Variants in GLIS3 observed in about 807,000 individuals in gnomAD.
The protein encoded by GLIS3 is zinc finger protein GLIS3.
In GLIS3, 53 loss-of-function variants were observed where a neutral mutation model predicts 78.6. The ratio of observed to expected loss-of-function variants is 0.67; its 90% confidence interval spans 0.54 to 0.85. GLIS3 has a LOEUF of 0.85. GLIS3 is among the 40% of genes least tolerant of loss of function. The probability of loss-of-function intolerance (pLI) is 0.00; values close to 1 mark genes in which losing one functional copy is unlikely to be tolerated. For synonymous variants in GLIS3, 684 were observed against 509.9 expected, an observed-to-expected ratio of 1.34 and a Z score of -4.60; for missense variants, 1,703 against 1,231.1, an observed-to-expected ratio of 1.38 and a Z score of -5.74.
intron 8 of GLIS3, among the ~76,000 whole-genome samples, chr9:3,873,685 G>A (rs1417333518): frequency 1.4e-5 from 2 of 147,826 alleles, no homozygotes; most frequent in Non-Finnish European, 1.5e-5. Context: ...AGAAAATAAA[G>A]TCAAAGAAAA....
the GLIS3 span, among the ~76,000 whole-genome samples, chr9:4,407,991 T>C: frequency 6.6e-6 from 1 of 152,044 alleles, no homozygotes. Flanking sequence ...GACATACAAA[T>C]GGCCAATGTA....
chr9:4,416,329 T>C, the GLIS3 span, among the ~76,000 whole-genome samples: 1 of 143,148 alleles, frequency 7.0e-6, no homozygotes, highest in Admixed American at 6.9e-5. Flanking sequence ...AACTGTTCCA[T>C]CACCTTTACA....
intron 2 of GLIS3, among the ~76,000 whole-genome samples, chr9:4,250,471 T>C (rs1238514462): frequency 1.3e-5 from 2 of 152,232 alleles, no homozygotes; most frequent in Non-Finnish European, 2.9e-5. Context: ...ATCCCCTTTA[T>C]CATTTTTTTA....
intron 4 of GLIS3, among the ~76,000 whole-genome samples, chr9:4,114,457 T>C (rs1348198889): frequency 1.3e-5 from 2 of 152,220 alleles, no homozygotes; most frequent in East Asian, 1.9e-4. Context: ...TGTTCTGACC[T>C]GTGACCTTAC....
intron 8 of GLIS3, among the ~76,000 whole-genome samples, chr9:3,858,714 T>C (rs1237221014): frequency 1.3e-5 from 2 of 152,028 alleles, no homozygotes; most frequent in East Asian, 1.9e-4. Flanking sequence ...AGGAAAGAAA[T>C]AGTACAAAAA....
At chr9:4,316,501 G>A (rs552008039) in intron 2 of GLIS3, among the ~76,000 whole-genome samples, 1 of 152,190 alleles carries the variant, frequency 6.6e-6, no homozygotes, top group Non-Finnish European at 1.5e-5. Context: ...AACAAAATCA[G>A]TTCCTGGCCA....
intron 7 of GLIS3, among the ~76,000 whole-genome samples, chr9:3,890,285 C>CTAAT (rs1395181914): frequency 4.6e-5 from 7 of 152,204 alleles, no homozygotes; most frequent in East Asian, 1.9e-4. Context: ...CAACAAAAGT[C>CTAAT]TAATTTGCAG....
At chr9:4,420,711 ATT>A in the GLIS3 span, among the ~76,000 whole-genome samples, 1 of 152,246 alleles carries the variant, frequency 6.6e-6, no homozygotes, top group African/African-American at 2.4e-5. Flanking sequence ...CCATTTTTGC[ATT>A]GTTACAAAGA....
intron 2 of GLIS3, among the ~76,000 whole-genome samples, chr9:4,191,469 T>C (rs62543613): frequency 0.18 from 27,307 of 152,212 alleles, 3,111 homozygotes; most frequent in African/African-American, 0.33. Flanking sequence ...AATTTACTTG[T>C]CTACATTAAA....
intron 6 of GLIS3, among the ~76,000 whole-genome samples, chr9:3,925,942 A>T (rs746862581): frequency 1.3e-5 from 2 of 152,148 alleles, no homozygotes; most frequent in Non-Finnish European, 2.9e-5. Context: ...GTTTCCAAGA[A>T]CCTACTGAGG....
chr9:4,441,898 C>T, the GLIS3 span, among the ~76,000 whole-genome samples: 17 of 152,338 alleles, frequency 1.1e-4, no homozygotes, highest in South Asian at 4.1e-4. Flanking sequence ...AGCCACCCAC[C>T]GCACCTGGCC....
chr9:3,892,714 C>T (rs1190609823), intron 7 of GLIS3, among the ~76,000 whole-genome samples: 1 of 151,966 alleles, frequency 6.6e-6, no homozygotes, highest in South Asian at 2.1e-4. Context: ...GACATAACCA[C>T]CTATGTTTTT....
the GLIS3 span, among the ~76,000 whole-genome samples, chr9:4,407,248 G>C: frequency 6.6e-6 from 1 of 152,194 alleles, no homozygotes; most frequent in Non-Finnish European, 1.5e-5. Flanking sequence ...TTACGCAGAA[G>C]AATGAAACTA....
intron 4 of GLIS3, among the ~76,000 whole-genome samples, chr9:4,113,376 A>G (rs1413147321): frequency 1.3e-5 from 2 of 152,174 alleles, no homozygotes; most frequent in Admixed American, 6.5e-5. Context: ...TTTATTGGAT[A>G]GACTCATCTT....
intron 1 of GLIS3, among the ~76,000 whole-genome samples, chr9:4,289,524 C>G (rs573836249): frequency 7.3e-4 from 111 of 152,274 alleles, no homozygotes; most frequent in Admixed American, 2.0e-3. Context: ...AAAATCACAA[C>G]TAATCACTGT....
intron 9 of GLIS3, chr9:3,855,795 G>A (rs1819742392): frequency 8.6e-6 from 5 of 582,440 alleles, no homozygotes; most frequent in African/African-American, 3.7e-5. Context: ...GCTGACCAGT[G>A]CGATGTGTCA....
the GLIS3 span, among the ~76,000 whole-genome samples, chr9:4,408,407 G>A: frequency 6.7e-6 from 1 of 148,236 alleles, no homozygotes. Flanking sequence ...TAGGGAGGAA[G>A]GTGGGGATGG....
At chr9:4,436,924 C>A in the GLIS3 span, among the ~76,000 whole-genome samples, 19 of 147,010 alleles carry the variant, frequency 1.3e-4, 1 homozygote, top group East Asian at 3.6e-3. Context: ...GGAGAGAGAA[C>A]AGGAACTAAA....
At position 4,118,040 on chromosome 9, in the gene GLIS3, G is replaced by C. The variant is rs1242729489; in HGVS notation, c.1438C>G (p.Leu480Val). The C allele has an allele frequency of 1.9e-6, 3 of 1,594,692 alleles. No individual in the cohort carries two copies. Among genetic ancestry groups the C allele is most frequent in the South Asian group, 1.1e-5 (1 of 89,264 alleles). The change falls in exon 4 of 11, where the codon CTG (leucine) becomes GTG (valine). Residue 480 changes from leucine to valine, a missense_variant. Transcript: ENST00000381971. The surrounding 1 kb of genome is among the most constrained non-coding windows in gnomAD (Gnocchi z 4.7). ...TCCAGGGTGGCCTGGGGCAAGGCCA[G>C]CTGCTGGGCGTGGGGCCCGAGCTCC... is the stretch of plus-strand genomic sequence containing the variant. Reference protein sequence around the residue: ...HPELGPHAQQLALPQATLDDD... With the variant: ...HPELGPHAQQVALPQATLDDD...
Sources: gnomAD v4.1 joint callset for allele counts (sites outside exome capture counted in the v4.1 genomes callset) on GRCh38, gnomAD v4.1.1 for gene constraint, Gnocchi (gnomAD v3.1) non-coding constraint, MANE v1.5 for transcripts, NCBI Gene and HGNC (gene_info 2026-07-23, HGNC 2026-07-21) for gene names.